Variants in MTMR1 observed in about 807,000 individuals in gnomAD.
MTMR1 encodes the protein myotubularin related protein 1.
A neutral mutation model predicts 51.6 loss-of-function variants in MTMR1; 17 were observed. The observed-to-expected ratio is 0.33, with a 90% CI of 0.23 to 0.49. The LOEUF (loss-of-function observed/expected upper bound fraction) is 0.49. Ranked by LOEUF, MTMR1 falls within the 20% of genes least tolerant of loss-of-function variation. The pLI is 0.99. For missense variants in MTMR1, 386 were observed against 526.9 expected (o/e 0.73, Z 2.62); for synonymous variants, 201 against 205.6 (o/e 0.98, Z 0.19).
chrX:150,694,976 C>T (rs1333179561), intron 1 of MTMR1, among the ~76,000 whole-genome samples: 3 of 112,403 alleles, frequency 2.7e-5, no homozygotes, highest in African/African-American at 9.7e-5. Context: ...GTGTCACCCC[C>T]AAATATGCCT....
At chrX:150,724,045 C>T (rs192025012) in intron 4 of MTMR1, among the ~76,000 whole-genome samples, 9 of 112,143 alleles carry the variant, frequency 8.0e-5, no homozygotes, top group Non-Finnish European at 1.5e-4. Flanking sequence ...CAGACATACA[C>T]GTGAGTGTGT....
At chrX:150,701,333 G>C (rs992834142) in intron 2 of MTMR1, among the ~76,000 whole-genome samples, 1 of 112,032 alleles carries the variant, frequency 8.9e-6, no homozygotes, top group Non-Finnish European at 1.9e-5. Context: ...TGGCATGGGA[G>C]CTATTGCATG....
intron 2 of MTMR1, among the ~76,000 whole-genome samples, chrX:150,710,580 C>T (rs2041273939): frequency 9.0e-6 from 1 of 111,620 alleles, no homozygotes; most frequent in South Asian, 3.8e-4. Context: ...AGGCTGGTTT[C>T]GAAATCCTGA....
chrX:150,750,541 G>C, intron 13 of MTMR1, among the ~76,000 whole-genome samples, 189 bp from the exon 14 acceptor site: 1 of 112,196 alleles, frequency 8.9e-6, no homozygotes, highest in African/African-American at 3.2e-5. Flanking sequence ...AGTTGCTGCT[G>C]GTTGTTTCTC....
intron 4 of MTMR1, among the ~76,000 whole-genome samples, chrX:150,719,644 T>G (rs967298332): frequency 1.8e-5 from 2 of 112,218 alleles, no homozygotes; most frequent in African/African-American, 6.5e-5. Context: ...TGCCCCTGCT[T>G]CTTCTTCAGA....
chrX:150,761,037 G>C (rs782419956), intron 15 of MTMR1, among the ~76,000 whole-genome samples: 1 of 111,409 alleles, frequency 9.0e-6, no homozygotes, highest in Non-Finnish European at 1.9e-5. Context: ...GTCTGCCCTG[G>C]GTGTGTGTCA....
At chrX:150,737,123 C>T in intron 11 of MTMR1, 119 bp from the exon 12 acceptor site, 1 of 594,108 alleles carries the variant, frequency 1.7e-6, no homozygotes, top group Non-Finnish European at 2.6e-6. Context: ...GATTGCCTGC[C>T]ATTCTTGCTT....
intron 2 of MTMR1, among the ~76,000 whole-genome samples, chrX:150,709,388 A>G (rs782408880): frequency 8.9e-6 from 1 of 112,222 alleles, no homozygotes; most frequent in Non-Finnish European, 1.9e-5. Context: ...TAAGTAAAGA[A>G]TTATGTGAGT....
intron 4 of MTMR1, among the ~76,000 whole-genome samples, chrX:150,723,188 T>A (rs1355583345): frequency 9.0e-6 from 1 of 110,708 alleles, no homozygotes; most frequent in African/African-American, 3.3e-5. Context: ...GAACTCATCC[T>A]TTTTTTATGG....
chrX:150,723,288 A>G (rs1361578682), intron 4 of MTMR1, among the ~76,000 whole-genome samples: 1 of 111,175 alleles, frequency 9.0e-6, no homozygotes, highest in Non-Finnish European at 1.9e-5. Flanking sequence ...AATCTTTGCT[A>G]TTGTGAATAG....
intron 10 of MTMR1, chrX:150,735,845 T>G: frequency 5.9e-6 from 1 of 168,945 alleles, no homozygotes; most frequent in Non-Finnish European, 1.1e-5. Context: ...GTAGTCACCA[T>G]GTTGTACAGA....
intron 4 of MTMR1, among the ~76,000 whole-genome samples, chrX:150,721,042 A>G (rs1436416230): frequency 8.9e-6 from 1 of 111,846 alleles, no homozygotes; most frequent in Admixed American, 9.5e-5. Context: ...CTCTTTCTGC[A>G]TTGATTGATG....
intron 15 of MTMR1, among the ~76,000 whole-genome samples, chrX:150,756,361 T>C (rs782717118): frequency 1.3e-4 from 15 of 111,923 alleles, no homozygotes; most frequent in African/African-American, 4.9e-4. Flanking sequence ...ACCACACTTT[T>C]TCACTGTAAT....
intron 1 of MTMR1, among the ~76,000 whole-genome samples, chrX:150,695,328 A>G (rs1289013289): frequency 3.6e-5 from 4 of 112,189 alleles, no homozygotes; most frequent in Non-Finnish European, 5.6e-5. Context: ...TGTAGATTTC[A>G]GTAGGCTCTC....
intron 2 of MTMR1, 73 bp from the exon 3 acceptor site, chrX:150,712,269 G>T: frequency 2.1e-6 from 2 of 971,465 alleles, no homozygotes; most frequent in Admixed American, 2.7e-5. Context: ...ATAGGCTGTT[G>T]AACTTAATGG....
In MTMR1 at chrX:150,740,277, G is replaced by GC. The variant is rs782248194; in HGVS notation, c.1473+2836dup. On this transcript the variant is annotated intron_variant, in intron 12 of 15. Transcript: ENST00000445323. ...GCCAGGGTTCCTTCTCACAATGCCC[G>GC]CCCCCCCACAATCTGGTCGTGTCAC... Among the ~76,000 whole-genome samples, 522 of 111,128 alleles carry GC rather than the reference G, an allele frequency of 4.7e-3. 3 individuals carry two copies. Among genetic ancestry groups the GC allele is most frequent in the African/African-American group, 0.016 (494 of 30,514 alleles).
At position 150,755,784 on chromosome X, in the gene MTMR1, G is replaced by C. The variant is rs782198795; in HGVS notation, c.1776G>C (p.Val592=). ...TCTTTGTGAATTATGAAAACCACGT[G>C]TTATATCCTGTTGCTAGTCTGAGTC... The part of the protein sequence containing the change: ...NPFFVNYENH[V]LYPVASLSHL... Residue 592 remains valine, a synonymous_variant, in exon 15 of 16, where the codon GTG becomes GTC. Transcript: ENST00000445323. The C allele has an allele frequency of 1.7e-6, 2 of 1,204,928 alleles. No individual in the cohort carries two copies.
intron 12 of MTMR1, 54 bp downstream of exon 12, chrX:150,737,502 G>A (rs1603260525): frequency 2.9e-6 from 3 of 1,043,841 alleles, no homozygotes; most frequent in Non-Finnish European, 4.0e-6. Context: ...TCATATGGAT[G>A]TAAACGTCAT....
At chrX:150,748,679 C>CA (rs34588866) in intron 13 of MTMR1, among the ~76,000 whole-genome samples, 29 of 106,247 alleles carry the variant, frequency 2.7e-4, no homozygotes, top group African/African-American at 8.6e-4. Flanking sequence ...AAACAAAAAA[C>CA]AAAAAAAAAC....
Sources: gnomAD v4.1 joint callset for allele counts (sites outside exome capture counted in the v4.1 genomes callset) on GRCh38, gnomAD v4.1.1 for gene constraint, MANE v1.5 for transcripts, NCBI Gene and HGNC (gene_info 2026-07-23, HGNC 2026-07-21) for gene names.